The following SHROOM4 variants were observed in gnomAD, a reference collection of about 807,000 sequenced individuals.
SHROOM4 encodes the protein shroom family member 4, also known as protein Shroom4.
In SHROOM4, 17 loss-of-function variants were observed where a neutral mutation model predicts 80.3. The observed-to-expected ratio is 0.21, with a 90% CI of 0.14 to 0.32. SHROOM4 has a LOEUF of 0.32. Ranked by LOEUF, SHROOM4 falls within the 10% of genes least tolerant of loss-of-function variation. The pLI is 1.00. For missense variants in SHROOM4, 993 were observed against 1,140.3 expected (o/e 0.87, Z 1.86); for synonymous variants, 400 against 437.5 (o/e 0.91, Z 1.07).
chrX:50,800,548 C>T (rs1247795296), intron 1 of SHROOM4, among the ~76,000 whole-genome samples: 1 of 110,982 alleles, frequency 9.0e-6, no homozygotes, highest in Non-Finnish European at 1.9e-5. Context: ...AAGGTTAGGT[C>T]CTATGGAGAG....
intron 5 of SHROOM4, among the ~76,000 whole-genome samples, chrX:50,620,406 A>G (rs1569546646): frequency 8.9e-6 from 1 of 111,969 alleles, no homozygotes. Flanking sequence ...GATATATTAG[A>G]TTGGTAAACT....
At chrX:50,689,530 A>T (rs1171197187) in intron 2 of SHROOM4, among the ~76,000 whole-genome samples, 2 of 112,132 alleles carry the variant, frequency 1.8e-5, no homozygotes, top group Non-Finnish European at 3.8e-5. Context: ...TTTCCTCCAT[A>T]CACAACCTCT....
At chrX:50,781,851 C>A (rs964677142) in intron 1 of SHROOM4, among the ~76,000 whole-genome samples, 2 of 111,724 alleles carry the variant, frequency 1.8e-5, no homozygotes, top group Non-Finnish European at 3.8e-5. Flanking sequence ...GTTACCACAT[C>A]TCAGGGACAA....
chrX:50,764,377 G>A (rs782778540), intron 1 of SHROOM4, among the ~76,000 whole-genome samples: 5 of 108,792 alleles, frequency 4.6e-5, no homozygotes, highest in Non-Finnish European at 9.5e-5. Flanking sequence ...AGCTGAGAGT[G>A]GGGGGAAAAA....
chrX:50,640,476 G>T (rs1417638948), intron 2 of SHROOM4, among the ~76,000 whole-genome samples: 1 of 107,927 alleles, frequency 9.3e-6, no homozygotes, highest in Non-Finnish European at 1.9e-5. Flanking sequence ...ACCACCAGCA[G>T]CTCCTGTTCT....
At chrX:50,641,192 CCAT>C (rs1478197264) in intron 2 of SHROOM4, among the ~76,000 whole-genome samples, 3 of 111,758 alleles carry the variant, frequency 2.7e-5, no homozygotes, top group Non-Finnish European at 5.6e-5. Flanking sequence ...TTGATATTGC[CCAT>C]CATCATTTCA....
intron 1 of SHROOM4, among the ~76,000 whole-genome samples, chrX:50,805,588 T>A (rs868919751): frequency 9.0e-6 from 1 of 111,554 alleles, no homozygotes; most frequent in Middle Eastern, 4.7e-3. Context: ...AGATAGGAAG[T>A]AGGAGTGTGG....
intron 1 of SHROOM4, among the ~76,000 whole-genome samples, chrX:50,696,175 G>A (rs1933364505): frequency 9.0e-6 from 1 of 111,721 alleles, no homozygotes. Context: ...GGAATGAGCA[G>A]TCCAACTGGG....
intron 5 of SHROOM4, among the ~76,000 whole-genome samples, chrX:50,611,367 G>A (rs1277471011): frequency 9.3e-6 from 1 of 107,862 alleles, no homozygotes; most frequent in African/African-American, 3.4e-5. Flanking sequence ...AGCCAGGATG[G>A]TCTCGATCTC....
At chrX:50,641,601 A>G (rs1005208378) in intron 2 of SHROOM4, among the ~76,000 whole-genome samples, 3 of 110,744 alleles carry the variant, frequency 2.7e-5, no homozygotes, top group Admixed American at 1.9e-4. Context: ...ATACCTTACA[A>G]AGACTCTTAC....
chrX:50,631,713 G>A (rs1484391366), intron 4 of SHROOM4, among the ~76,000 whole-genome samples: 6 of 112,042 alleles, frequency 5.4e-5, no homozygotes, highest in Non-Finnish European at 1.1e-4. Flanking sequence ...TATTTCTATA[G>A]ACTAGTAATC....
At chrX:50,676,219 T>C (rs1932852308) in intron 2 of SHROOM4, among the ~76,000 whole-genome samples, 1 of 111,304 alleles carries the variant, frequency 9.0e-6, no homozygotes, top group Admixed American at 9.6e-5. Context: ...AAGTGGCTGA[T>C]GGGAGGCCCT....
intron 7 of SHROOM4, among the ~76,000 whole-genome samples, chrX:50,601,623 T>C (rs1297546125): frequency 3.6e-5 from 4 of 111,976 alleles, no homozygotes; most frequent in Non-Finnish European, 7.5e-5. Flanking sequence ...GAGGGGAAAG[T>C]GATTCCAAGA....
At chrX:50,800,336 G>A (rs1386679584) in intron 1 of SHROOM4, among the ~76,000 whole-genome samples, 2 of 112,281 alleles carry the variant, frequency 1.8e-5, no homozygotes, top group Non-Finnish European at 3.8e-5. Flanking sequence ...AGTCTACTCT[G>A]TGCTGACTAT....
intron 5 of SHROOM4, among the ~76,000 whole-genome samples, chrX:50,625,213 C>T (rs1322929783): frequency 8.9e-5 from 10 of 111,941 alleles, no homozygotes; most frequent in Non-Finnish European, 1.5e-4. Context: ...GCTATAGTGA[C>T]TCAAAATATT....
intron 2 of SHROOM4, among the ~76,000 whole-genome samples, chrX:50,682,147 T>C (rs1932954218): frequency 8.9e-6 from 1 of 112,250 alleles, no homozygotes; most frequent in African/African-American, 3.2e-5. Context: ...ATAAAGCATA[T>C]AAAGTACCTA....
In SHROOM4 at chrX:50,772,008, A is replaced by ATGTG. The variant is rs10581172; in HGVS notation, c.117+41890_117+41893dup. Among the ~76,000 whole-genome samples, 685 of 103,088 alleles carry ATGTG rather than the reference A, an allele frequency of 6.6e-3. 9 individuals carry two copies. The highest frequency in any genetic ancestry group is 0.024 in the African/African-American group (663 of 28,160). 89.5% of individuals were successfully genotyped at this position (103,088 alleles called of 115,157 possible). ...TACATATAATATGACCTTGTTTTTT[A>ATGTG]TGTGTGTGTGTGTGTGTGTGTGTGT... On this transcript the variant is annotated intron_variant, in intron 1 of 8. Transcript: ENST00000376020.
chrX:50,800,872 T>C (rs1471336233), intron 1 of SHROOM4, among the ~76,000 whole-genome samples: 1 of 109,899 alleles, frequency 9.1e-6, no homozygotes, highest in Non-Finnish European at 1.9e-5. Flanking sequence ...ACTACAGTAG[T>C]GTAGTTGTTC....
intron 1 of SHROOM4, among the ~76,000 whole-genome samples, chrX:50,702,110 T>G (rs886185679): frequency 4.5e-5 from 5 of 112,092 alleles, no homozygotes; most frequent in Non-Finnish European, 9.4e-5. Context: ...AAATACCCAA[T>G]AAGCATCTGA....
Sources: allele counts gnomAD v4.1 joint callset (sites outside exome capture counted in the v4.1 genomes callset), GRCh38; gene constraint gnomAD v4.1.1; transcripts MANE v1.5; gene names NCBI Gene and HGNC (gene_info 2026-07-23, HGNC 2026-07-21).